PCDHA4: variants seen among roughly 807,000 people sequenced by gnomAD.
PCDHA4 encodes the protein protocadherin alpha-4.
PCDHA4 carries 49 observed loss-of-function variants against 61.4 expected under a neutral mutation model. That is an observed-to-expected ratio of 0.80 (90% confidence interval 0.63 to 1.01). The LOEUF is 1.01. Ranked by LOEUF, PCDHA4 falls within the 50% of genes least tolerant of loss-of-function variation. PCDHA4 has a pLI of 0.00. For synonymous variants in PCDHA4, 590 were observed against 550.3 expected (o/e 1.07, Z -1.01); for missense variants, 1,254 against 1,235.8 (o/e 1.01, Z -0.22).
chr5:140,940,509 C>T lies in PCDHA4; in HGVS notation c.2386-38440C>T, dbSNP rs556405860. ...GACAAGTCTTGCTCCGTCGCTCAGG[C>T]GTGATCATAGCTCACTGCAATCTTG... On this transcript the variant is annotated intron_variant, in intron 1 of 3. Coordinates refer to ENST00000530339, the MANE Select transcript of PCDHA4 (RefSeq NM_018907.4). 2.0e-5 allele frequency among the ~76,000 whole-genome samples: 3 copies of T among 152,086 alleles called. No individual in the cohort carries two copies. In the South Asian group the frequency reaches 6.2e-4, roughly 32 times the overall value.
chr5:140,843,792 GT>G, intron 1 of PCDHA4: 1 of 1,356,394 alleles, frequency 7.4e-7, no homozygotes, highest in South Asian at 1.4e-5. Flanking sequence ...TTCAGATTTA[GT>G]TTTTCACCGT....
chr5:140,887,561 CT>C (rs2061497104), intron 1 of PCDHA4, among the ~76,000 whole-genome samples: 1 of 151,690 alleles, frequency 6.6e-6, no homozygotes, highest in Non-Finnish European at 1.5e-5. Context: ...ACTGTTAAAA[CT>C]TTTCTTTTTA....
rs60872775 is a variant in PCDHA4 at position 140,857,509 on chromosome 5, C to G, written c.2385+47937C>G. 2,646 of 1,598,160 alleles carry G rather than the reference C, an allele frequency of 1.7e-3. 197 individuals carry two copies. In the African/African-American group the frequency reaches 0.032, roughly 19 times the overall value. ...GGGACGCGGACGCGCAGGAGAACGCCCTGGTGTCCTACTCTCTGGTGGAGC... is the reference window on the plus strand; with the variant it reads ...GGGACGCGGACGCGCAGGAGAACGCGCTGGTGTCCTACTCTCTGGTGGAGC... On this transcript the variant is annotated intron_variant, in intron 1 of 3. Transcript: ENST00000530339.
chr5:140,834,477 C>T lies in PCDHA4; in HGVS notation c.2385+24905C>T, dbSNP rs1554134251. Reference sequence around the variant, plus strand: ...TTGGGAGGCAGGGAGAGGCCAGCTCCACTACTCGGTCCCCGAGGAGGCTAA... The same window carrying T: ...TTGGGAGGCAGGGAGAGGCCAGCTCTACTACTCGGTCCCCGAGGAGGCTAA... On this transcript the variant is annotated intron_variant, in intron 1 of 3. Coordinates refer to ENST00000530339, the MANE Select transcript of PCDHA4 (RefSeq NM_018907.4). 3.7e-6 allele frequency: 6 copies of T among 1,614,174 alleles called. No individual in the cohort carries two copies. Among genetic ancestry groups the T allele is most frequent in the South Asian group, 2.2e-5 (2 of 91,082 alleles).
Position 140,942,913 on chromosome 5 carries a change from GA to G in PCDHA4, c.2386-36026del, listed in dbSNP as rs58669311. Among the ~76,000 whole-genome samples the G allele has an allele frequency of 2.0e-3, 305 of 148,960 alleles. 3 individuals carry two copies. The highest frequency in any genetic ancestry group is 6.9e-3 in the African/African-American group (281 of 40,624). ...ATTTATCTCTAAGAATAAGCGTGAA[GA>G]AAAAAAAAATTGAAAAAGAGTTTAA... On this transcript the variant is annotated intron_variant, in intron 1 of 3. Coordinates refer to ENST00000530339, the MANE Select transcript of PCDHA4 (RefSeq NM_018907.4).
intron 1 of PCDHA4, chr5:140,884,803 C>A: frequency 1.6e-6 from 2 of 1,225,132 alleles, no homozygotes; most frequent in Non-Finnish European, 2.2e-6. Context: ...AATTTAACAA[C>A]TCTGCTGTGG....
intron 1 of PCDHA4, chr5:140,856,153 C>T: frequency 1.3e-6 from 2 of 1,598,310 alleles, no homozygotes; most frequent in Non-Finnish European, 1.7e-6. Flanking sequence ...ACTCAGTCTA[C>T]GAGGAGGCCA....
chr5:140,858,703 T>C lies in PCDHA4; in HGVS notation c.2385+49131T>C, dbSNP rs918251691. 1.1e-5 allele frequency: 6 copies of C among 560,482 alleles called. 2 individuals carry two copies. The highest frequency in any genetic ancestry group is 1.8e-5 in the Non-Finnish European group (6 of 325,182). 34.7% of individuals were successfully genotyped at this position (560,482 alleles called of 1,614,324 possible). ...ACACTAATATTTTCCAATACAAATATGTGATATAGGTTGCAGTTCTGACGA... is the reference window on the plus strand; with the variant it reads ...ACACTAATATTTTCCAATACAAATACGTGATATAGGTTGCAGTTCTGACGA... On this transcript the variant is annotated intron_variant, in intron 1 of 3. Coordinates refer to ENST00000530339, the MANE Select transcript of PCDHA4 (RefSeq NM_018907.4).
At chr5:140,936,185 G>A (rs563044758) in intron 1 of PCDHA4, among the ~76,000 whole-genome samples, 10 of 152,060 alleles carry the variant, frequency 6.6e-5, no homozygotes, top group Non-Finnish European at 1.0e-4. Context: ...AAACCACCAC[G>A]CCCAGCCAAA....
intron 1 of PCDHA4, among the ~76,000 whole-genome samples, chr5:140,821,333 A>T (rs1554128062): frequency 6.6e-6 from 1 of 152,190 alleles, no homozygotes; most frequent in East Asian, 1.9e-4. Flanking sequence ...TCTAGTAAGG[A>T]TTGGGGTTTC....
chr5:140,826,679 A>T (rs184040135), intron 1 of PCDHA4, among the ~76,000 whole-genome samples: 11 of 152,308 alleles, frequency 7.2e-5, no homozygotes, highest in East Asian at 5.8e-4. Flanking sequence ...GACGTAATTA[A>T]AAAAACCCAG....
Position 141,011,543 on chromosome 5 carries a change from G to T in PCDHA4, c.*1606G>T, listed in dbSNP as rs1478395558. The stretch of plus-strand genomic sequence containing the variant: ...TTTTAACCATTGTTAATCAGCTTTT[G>T]TGTATGAAAGACACAGTAAAATTTC... On this transcript the variant is annotated 3_prime_UTR_variant, in exon 4 of 4. Coordinates refer to ENST00000530339, the MANE Select transcript of PCDHA4 (RefSeq NM_018907.4). 1.3e-5 allele frequency: 2 copies of T among 153,468 alleles called. No individual in the cohort carries two copies. Among genetic ancestry groups the T allele is most frequent in the African/African-American group, 4.8e-5 (2 of 41,376 alleles). The allele number at this position is 153,468 out of a possible 1,614,324, so 9.5% of individuals were successfully genotyped here. A position where few individuals can be genotyped will look rare whatever the true frequency, so the allele number is the denominator to read the frequency against.
chr5:140,909,935 A>G (rs2074774035), intron 1 of PCDHA4, among the ~76,000 whole-genome samples: 1 of 152,154 alleles, frequency 6.6e-6, no homozygotes, highest in Admixed American at 6.5e-5. Flanking sequence ...AATCACAGTT[A>G]CTCTGGTAAA....
rs150962684 is a variant in PCDHA4, at chr5:140,829,379, G to C, written c.2385+19807G>C. 448 of 1,614,186 alleles carry C rather than the reference G, an allele frequency of 2.8e-4. 2 individuals carry two copies. The African/African-American group carries it at 5.6e-3, about 20-fold the overall frequency. On this transcript the variant is annotated intron_variant, in intron 1 of 3. Transcript: ENST00000530339. ...TGAGTTGGTGGTAACCGCGCGGGACGGGGGCTCGCCTTCGCTGTGGGCCAC... is the reference window on the plus strand; with the variant it reads ...TGAGTTGGTGGTAACCGCGCGGGACCGGGGCTCGCCTTCGCTGTGGGCCAC...
intron 1 of PCDHA4, among the ~76,000 whole-genome samples, chr5:140,975,053 A>G (rs2096651589): frequency 1.3e-5 from 2 of 152,144 alleles, no homozygotes; most frequent in Admixed American, 6.5e-5. Flanking sequence ...GGAAGAATCT[A>G]CTATCGAGCT....
intron 1 of PCDHA4, among the ~76,000 whole-genome samples, chr5:140,918,164 G>T (rs1156404209): frequency 6.6e-6 from 1 of 152,088 alleles, no homozygotes; most frequent in East Asian, 1.9e-4. Context: ...TATTGTAAAT[G>T]GCATTGTGTT....
chr5:140,828,699 A>G, intron 1 of PCDHA4: 1 of 1,614,250 alleles, frequency 6.2e-7, no homozygotes, highest in Non-Finnish European at 8.5e-7. Flanking sequence ...TTGGACAGAG[A>G]GGAAGCTCCT....
In PCDHA4 at chr5:140,856,890, G is replaced by A. The variant is rs782469336; in HGVS notation, c.2385+47318G>A. On this transcript the variant is annotated intron_variant, in intron 1 of 3. Transcript: ENST00000530339. ...AACAAGGAAATGATGTATTCATTTA[G>A]CTCTTTGGTCCCACCCACGATAAGA... 2.1e-5 allele frequency: 34 copies of A among 1,596,056 alleles called. 3 individuals carry two copies. The highest frequency in any genetic ancestry group is 2.9e-5 in the Non-Finnish European group (34 of 1,165,980).
At position 141,010,449 on chromosome 5, in the gene PCDHA4, C is replaced by T. The variant is rs764975082; in HGVS notation, c.*512C>T. ...CAAGAAAACAAAGACAAATAAACAG[C>T]GGAAGTTATCAGTATGGAGGGGAAG... On this transcript the variant is annotated 3_prime_UTR_variant, in exon 4 of 4. Coordinates refer to ENST00000530339, the MANE Select transcript of PCDHA4 (RefSeq NM_018907.4). 14 of 915,348 alleles carry T rather than the reference C, an allele frequency of 1.5e-5. No homozygotes were observed. Among genetic ancestry groups the T allele is most frequent in the Non-Finnish European group, 2.1e-5 (13 of 631,774 alleles). 56.7% of individuals were successfully genotyped at this position (915,348 alleles called of 1,614,324 possible).
Sources: gnomAD v4.1 joint callset for allele counts (sites outside exome capture counted in the v4.1 genomes callset) on GRCh38, gnomAD v4.1.1 for gene constraint, MANE v1.5 for transcripts, NCBI Gene and HGNC (gene_info 2026-07-23, HGNC 2026-07-21) for gene names.